The following MDGA2 variants were observed in gnomAD, a reference collection of about 807,000 sequenced individuals.
The protein encoded by MDGA2 is MAM domain containing glycosylphosphatidylinositol anchor 2.
A neutral mutation model predicts 117.8 loss-of-function variants in MDGA2; 40 were observed. That is an observed-to-expected ratio of 0.34 (90% CI 0.26 to 0.44). MDGA2 has a LOEUF of 0.44. Ranked by LOEUF, MDGA2 falls within the 20% of genes least tolerant of loss-of-function variation. The probability of loss-of-function intolerance (pLI) is 1.00; values close to 1 mark genes in which losing one functional copy is unlikely to be tolerated. For missense variants in MDGA2, 1,123 were observed against 1,250.6 expected (o/e 0.90, Z 1.54); for synonymous variants, 452 against 439.0 (o/e 1.03, Z -0.37).
intron 6 of MDGA2, among the ~76,000 whole-genome samples, chr14:47,062,294 G>C (rs753921339): frequency 6.6e-5 from 10 of 151,920 alleles, no homozygotes; most frequent in Non-Finnish European, 1.5e-4. Flanking sequence ...TTAGAAAACA[G>C]GTTTGTATGC....
At chr14:47,632,769 G>C (rs117783722) in intron 1 of MDGA2, among the ~76,000 whole-genome samples, 9 of 151,038 alleles carry the variant, frequency 6.0e-5, no homozygotes, top group East Asian at 3.9e-4. Flanking sequence ...TTGAGGGGGG[G>C]GCTCTTCCTT....
At chr14:47,472,289 T>A (rs1566474145) in intron 1 of MDGA2, among the ~76,000 whole-genome samples, 1 of 152,174 alleles carries the variant, frequency 6.6e-6, no homozygotes, top group African/African-American at 2.4e-5. Context: ...ATTCTGTCAT[T>A]GTGCAAACAT....
chr14:47,391,280 A>G (rs1347375517), intron 1 of MDGA2, among the ~76,000 whole-genome samples: 1 of 152,168 alleles, frequency 6.6e-6, no homozygotes, highest in Non-Finnish European at 1.5e-5. Flanking sequence ...CCGAAGGGAG[A>G]AAATGCACAA....
At chr14:47,232,114 T>C (rs1413782983) in intron 2 of MDGA2, among the ~76,000 whole-genome samples, 1 of 152,056 alleles carries the variant, frequency 6.6e-6, no homozygotes, top group Non-Finnish European at 1.5e-5. Flanking sequence ...TTTACCAGAC[T>C]CCCTTGCTCT....
intron 8 of MDGA2, among the ~76,000 whole-genome samples, chr14:46,982,098 T>A (rs369212945): frequency 6.8e-4 from 104 of 152,296 alleles, no homozygotes; most frequent in African/African-American, 2.4e-3. Context: ...GACATAGTAT[T>A]TGAGTGATGT....
chr14:47,508,383 G>A (rs369954709), intron 1 of MDGA2, among the ~76,000 whole-genome samples: 6 of 71,308 alleles, frequency 8.4e-5, no homozygotes, highest in Middle Eastern at 5.0e-3. Context: ...CTCTCTCTCT[G>A]TATATATATA....
chr14:47,301,602 A>G (rs1470679250), intron 1 of MDGA2, 52 bp from the exon 2 acceptor site: 38 of 1,540,904 alleles, frequency 2.5e-5, no homozygotes, highest in Non-Finnish European at 3.2e-5. Flanking sequence ...TAAGTCAGTG[A>G]TCTTCTCATG....
At chr14:47,432,841 G>C (rs78500728) in intron 1 of MDGA2, among the ~76,000 whole-genome samples, 15 of 152,052 alleles carry the variant, frequency 9.9e-5, no homozygotes, top group African/African-American at 3.1e-4. Flanking sequence ...GGATGATCTA[G>C]GTAGATGAAG....
chr14:47,630,433 A>G (rs1387443090), intron 1 of MDGA2, among the ~76,000 whole-genome samples: 1 of 152,160 alleles, frequency 6.6e-6, no homozygotes, highest in East Asian at 1.9e-4. Flanking sequence ...TGTATGTCAA[A>G]GATTATGTAA....
rs114509835 is a variant in MDGA2 at position 46,964,790 on chromosome 14, C to T, written c.1820-7147G>A. 4.2e-3 allele frequency among the ~76,000 whole-genome samples: 636 copies of T among 152,084 alleles called. 2 individuals carry two copies. The highest frequency in any genetic ancestry group is 0.014 in the African/African-American group (595 of 41,486). On this transcript the variant is annotated intron_variant, in intron 8 of 16. Coordinates refer to ENST00000399232, the MANE Select transcript of MDGA2 (RefSeq NM_001113498.3). ...GCTGTCAAGTTATATTTGTATTTGC[C>T]TAGCAAAGTTAACGTGTTTGTAGCT...
At chr14:47,621,570 A>G (rs1371562785) in intron 1 of MDGA2, among the ~76,000 whole-genome samples, 1 of 152,132 alleles carries the variant, frequency 6.6e-6, no homozygotes, top group South Asian at 2.1e-4. Flanking sequence ...GCATCTCTTC[A>G]TAAGTATAAC....
At chr14:47,489,398 A>C (rs1410128130) in intron 1 of MDGA2, among the ~76,000 whole-genome samples, 3 of 152,054 alleles carry the variant, frequency 2.0e-5, no homozygotes, top group African/African-American at 7.2e-5. Flanking sequence ...TGAACATCGT[A>C]CTCAAAAATT....
intron 9 of MDGA2, among the ~76,000 whole-genome samples, chr14:46,947,273 GT>G (rs1472578234): frequency 6.6e-6 from 1 of 152,014 alleles, no homozygotes; most frequent in East Asian, 1.9e-4. Context: ...TGCATGTCAA[GT>G]TGCACAAAGT....
At chr14:47,427,875 T>C (rs967951321) in intron 1 of MDGA2, among the ~76,000 whole-genome samples, 4 of 152,154 alleles carry the variant, frequency 2.6e-5, no homozygotes, top group Non-Finnish European at 5.9e-5. Flanking sequence ...AGATCTATCG[T>C]TTGAACATGC....
chr14:47,539,776 C>G (rs994028550), intron 1 of MDGA2, among the ~76,000 whole-genome samples: 7 of 152,146 alleles, frequency 4.6e-5, no homozygotes, highest in Admixed American at 1.3e-4. Context: ...CTAATATTTA[C>G]AGTTATATAT....
At chr14:46,899,491 T>C (rs929357612) in intron 10 of MDGA2, among the ~76,000 whole-genome samples, 1 of 151,900 alleles carries the variant, frequency 6.6e-6, no homozygotes, top group Non-Finnish European at 1.5e-5. Flanking sequence ...CAGAAATATA[T>C]TACTGCCCAA....
intron 1 of MDGA2, among the ~76,000 whole-genome samples, chr14:47,456,941 G>A (rs1003485420): frequency 5.3e-5 from 8 of 151,902 alleles, no homozygotes; most frequent in Admixed American, 1.3e-4. Flanking sequence ...GTAGACTCTG[G>A]TCAGCACCTC....
chr14:47,294,103 C>CTT (rs35698427), intron 2 of MDGA2, among the ~76,000 whole-genome samples: 185 of 99,050 alleles, frequency 1.9e-3, no homozygotes, highest in South Asian at 5.7e-3. Context: ...ATATGGCAAT[C>CTT]TTTTTTTTTT....
At chr14:47,528,997 CTTTAAACTT>C (rs1895033847) in intron 1 of MDGA2, among the ~76,000 whole-genome samples, 4 of 12,118 alleles carry the variant, frequency 3.3e-4, no homozygotes, top group Non-Finnish European at 3.8e-4. Context: ...ATTTTACAAA[CTTTAAACTT>C]TTTTTTTTTT....
Sources: allele counts gnomAD v4.1 joint callset (sites outside exome capture counted in the v4.1 genomes callset), GRCh38; gene constraint gnomAD v4.1.1; transcripts MANE v1.5; gene names NCBI Gene and HGNC (gene_info 2026-07-23, HGNC 2026-07-21).